ATP8A1: variants seen among roughly 807,000 people sequenced by gnomAD.
ATP8A1 encodes the protein ATPase phospholipid transporting 8A1, also known as phospholipid-transporting ATPase IA.
ATP8A1 carries 90 observed loss-of-function variants against 177.7 expected under a neutral mutation model. The ratio of observed to expected loss-of-function variants is 0.51; its 90% CI spans 0.43 to 0.60. The LOEUF is 0.60. Among genes scored for constraint, ATP8A1 ranks in the 20% least tolerant of loss-of-function variants. The pLI, the probability that ATP8A1 is intolerant of heterozygous loss-of-function variation, is 0.00. For synonymous variants in ATP8A1, 493 were observed against 485.9 expected (o/e 1.01, Z -0.19); for missense variants, 1,072 against 1,392.8 (o/e 0.77, Z 3.67).
chr4:42,435,461 A>T (rs55756170), intron 33 of ATP8A1, among the ~76,000 whole-genome samples: 1 of 122,346 alleles, frequency 8.2e-6, no homozygotes, highest in Non-Finnish European at 1.8e-5. Flanking sequence ...AAAAAAAAAA[A>T]AACAAACTAT....
At chr4:42,572,083 C>T (rs553031771) in intron 14 of ATP8A1, among the ~76,000 whole-genome samples, 33 of 152,272 alleles carry the variant, frequency 2.2e-4, no homozygotes, top group African/African-American at 7.5e-4. Flanking sequence ...TTTGGCAACA[C>T]TGAGGCAAAA....
intron 24 of ATP8A1, among the ~76,000 whole-genome samples, chr4:42,497,219 G>A (rs1167170082): frequency 6.6e-6 from 1 of 152,166 alleles, no homozygotes; most frequent in Non-Finnish European, 1.5e-5. Flanking sequence ...CTAGACATGG[G>A]AACTCAAAGT....
At chr4:42,637,439 C>T (rs1739511386) in intron 1 of ATP8A1, among the ~76,000 whole-genome samples, 1 of 152,202 alleles carries the variant, frequency 6.6e-6, no homozygotes. Flanking sequence ...AGCTCATTAC[C>T]TCCAAGTCCA....
chr4:42,640,978 G>A (rs1474028450), intron 1 of ATP8A1, among the ~76,000 whole-genome samples: 1 of 147,774 alleles, frequency 6.8e-6, no homozygotes, highest in African/African-American at 2.5e-5. Context: ...AGGAAGTGAA[G>A]GAGCAGACGT....
At chr4:42,514,923 C>T (rs1725378443) in intron 22 of ATP8A1, among the ~76,000 whole-genome samples, 1 of 152,028 alleles carries the variant, frequency 6.6e-6, no homozygotes, top group African/African-American at 2.4e-5. Context: ...TTTGAGTATA[C>T]TAGGAAAAAA....
Position 42,581,847 on chromosome 4 carries a change from T to C in ATP8A1, c.723-115A>G, listed in dbSNP as rs888931839. The C allele has an allele frequency of 2.0e-4, 147 of 743,420 alleles. 1 individual carries two copies. The highest frequency in any genetic ancestry group is 2.0e-4 in the Non-Finnish European group (90 of 456,846). 46.1% of individuals were successfully genotyped at this position (743,420 alleles called of 1,614,324 possible). A position where few individuals can be genotyped will look rare whatever the true frequency, so the allele number is the denominator to read the frequency against. On this transcript the variant is annotated intron_variant, in intron 9 of 36. Transcript: ENST00000381668. The stretch of plus-strand genomic sequence containing the variant: ...TAAAATAACCCTTCTCATATTTATT[T>C]CTGGAAAGTAATTTCCCCCCAGTAC...
In ATP8A1 at chr4:42,517,215, C is replaced by T. The variant is rs942242402; in HGVS notation, c.1947+4945G>A. Among the ~76,000 whole-genome samples the T allele has an allele frequency of 3.3e-5, 5 of 149,586 alleles. No individual in the cohort carries two copies. The South Asian group carries it at 6.3e-4, about 19-fold the overall frequency. ...ATTCAGGAGGCTGAGGGAGGAGAAT[C>T]GCTTGAACCCAGGAGGCGGAGGTTG... is the stretch of plus-strand genomic sequence containing the variant. On this transcript the variant is annotated intron_variant, in intron 22 of 36. Transcript: ENST00000381668.
chr4:42,587,771 T>C (rs1250227878), intron 8 of ATP8A1, among the ~76,000 whole-genome samples: 1 of 151,762 alleles, frequency 6.6e-6, no homozygotes, highest in East Asian at 1.9e-4. Context: ...CATGCCCGGC[T>C]AATTTTTTGT....
chr4:42,563,528 G>A (rs561100021), intron 15 of ATP8A1, among the ~76,000 whole-genome samples: 3 of 152,304 alleles, frequency 2.0e-5, no homozygotes, highest in South Asian at 2.1e-4. Flanking sequence ...ACGAGGAGCC[G>A]AATATTAATC....
rs76194117 is a variant in ATP8A1 at position 42,599,319 on chromosome 4, G to A, written c.450+1159C>T. ...ATCCTACCTGTCTTCTTTCTAAAATGTTTAATTCCATAGGTGCCAGAAAAG... is the reference window on the plus strand; with the variant it reads ...ATCCTACCTGTCTTCTTTCTAAAATATTTAATTCCATAGGTGCCAGAAAAG... On this transcript the variant is annotated intron_variant, in intron 6 of 36. Coordinates refer to ENST00000381668, the MANE Select transcript of ATP8A1 (RefSeq NM_006095.2). Among the ~76,000 whole-genome samples the A allele has an allele frequency of 2.1e-3, 320 of 152,176 alleles. 10 individuals are homozygous for A. In the East Asian group the frequency reaches 0.057, roughly 27 times the overall value.
chr4:42,570,866 T>C (rs763742470), intron 14 of ATP8A1, among the ~76,000 whole-genome samples: 2 of 152,232 alleles, frequency 1.3e-5, no homozygotes, highest in Non-Finnish European at 2.9e-5. Flanking sequence ...CTTCCCTGTT[T>C]AGATCAAACC....
chr4:42,552,649 T>C, intron 16 of ATP8A1, 39 bp from the exon 17 acceptor site: 3 of 1,425,314 alleles, frequency 2.1e-6, no homozygotes, highest in South Asian at 1.2e-5. Context: ...CCTTCTCATG[T>C]GAACATTTTG....
At chr4:42,656,546 G>A (rs761995511) in intron 1 of ATP8A1, among the ~76,000 whole-genome samples, 8 of 152,172 alleles carry the variant, frequency 5.3e-5, no homozygotes, top group Non-Finnish European at 1.2e-4. Flanking sequence ...GGCAGGGCGA[G>A]TGAGCTCAGT....
At chr4:42,536,043 C>A (rs1056932492) in intron 20 of ATP8A1, among the ~76,000 whole-genome samples, 5 of 152,136 alleles carry the variant, frequency 3.3e-5, no homozygotes, top group Non-Finnish European at 7.4e-5. Context: ...TAAGGTCACA[C>A]CTCAAGGAAC....
intron 4 of ATP8A1, among the ~76,000 whole-genome samples, chr4:42,622,407 A>G (rs1329224092): frequency 6.6e-6 from 1 of 151,950 alleles, no homozygotes; most frequent in Non-Finnish European, 1.5e-5. Flanking sequence ...AAACACAAAA[A>G]AAGACTTAAA....
chr4:42,603,382 T>C (rs959488046), intron 5 of ATP8A1, among the ~76,000 whole-genome samples: 1 of 152,252 alleles, frequency 6.6e-6, no homozygotes, highest in African/African-American at 2.4e-5. Context: ...TATTTAGAAA[T>C]GCATTAAATT....
intron 1 of ATP8A1, among the ~76,000 whole-genome samples, chr4:42,637,656 G>T (rs1353797663): frequency 6.6e-6 from 1 of 152,200 alleles, no homozygotes; most frequent in East Asian, 1.9e-4. Flanking sequence ...TTTGGAAACT[G>T]ATAAAGTCCA....
At chr4:42,438,380 C>T (rs1716239950) in intron 33 of ATP8A1, among the ~76,000 whole-genome samples, 1 of 152,006 alleles carries the variant, frequency 6.6e-6, no homozygotes, top group African/African-American at 2.4e-5. Flanking sequence ...TGAGTGGCAA[C>T]CATTCGTTTT....
At chr4:42,570,355 G>T (rs2109315855) in intron 14 of ATP8A1, among the ~76,000 whole-genome samples, 1 of 152,350 alleles carries the variant, frequency 6.6e-6, no homozygotes, top group East Asian at 1.9e-4. Context: ...TTGGCATGCT[G>T]CAAAGCTCTG....
Sources: gnomAD v4.1 joint callset for allele counts (sites outside exome capture counted in the v4.1 genomes callset) on GRCh38, gnomAD v4.1.1 for gene constraint, MANE v1.5 for transcripts, NCBI Gene and HGNC (gene_info 2026-07-23, HGNC 2026-07-21) for gene names.